The following HUNK variants were observed in gnomAD, a reference collection of about 807,000 sequenced individuals.
HUNK encodes the protein hormonally up-regulated Neu-associated kinase.
HUNK carries 21 observed loss-of-function variants against 61.0 expected under a neutral mutation model. That is an observed-to-expected ratio of 0.34 (90% CI 0.24 to 0.50). The LOEUF (loss-of-function observed/expected upper bound fraction) is 0.50. HUNK is among the 20% of genes least tolerant of loss of function. The pLI is 0.98. For synonymous variants in HUNK, 371 were observed against 386.1 expected, an observed-to-expected ratio of 0.96 and a Z score of 0.46; for missense variants, 772 against 945.7, an observed-to-expected ratio of 0.82 and a Z score of 2.41.
chr21:31,974,511 G>C (rs201678062), intron 6 of HUNK, 44 bp from the exon 7 acceptor site: 2 of 1,564,680 alleles, frequency 1.3e-6, no homozygotes, highest in South Asian at 1.2e-5. Context: ...GGGGCTCTCC[G>C]TGAAGTGCAG....
At chr21:31,911,082 C>T (rs1568923060) in intron 1 of HUNK, among the ~76,000 whole-genome samples, 2 of 152,156 alleles carry the variant, frequency 1.3e-5, no homozygotes, top group East Asian at 3.8e-4. Context: ...ACGACTTAGC[C>T]CATAACAGAT....
chr21:31,892,148 T>TA (rs748197431), intron 1 of HUNK, among the ~76,000 whole-genome samples: 8,669 of 90,686 alleles, frequency 0.096, 248 homozygotes, highest in Non-Finnish European at 0.12. Context: ...AGAATTTGGT[T>TA]AAAAAAAAAA....
Position 32,003,037 on chromosome 21 carries a change from A to AC in HUNK, c.*3857dup, listed in dbSNP as rs1408173458. 2 of 152,180 alleles carry AC rather than the reference A, an allele frequency of 1.3e-5. No individual in the cohort carries two copies. Among genetic ancestry groups the AC allele is most frequent in the Non-Finnish European group, 2.9e-5 (2 of 68,048 alleles). 9.4% of individuals were successfully genotyped at this position (152,180 alleles called of 1,614,324 possible). On this transcript the variant is annotated 3_prime_UTR_variant, in exon 11 of 11. Coordinates refer to ENST00000270112, the MANE Select transcript of HUNK (RefSeq NM_014586.2). Reference sequence around the variant, plus strand: ...CTAGGGACCCAGATGGTTTAAGGACACCCCAGAGTCCCCAGATGAGCTGGC... The same window carrying AC: ...CTAGGGACCCAGATGGTTTAAGGACACCCCCAGAGTCCCCAGATGAGCTGGC...
chr21:31,918,790 T>C (rs1429451834), intron 1 of HUNK, among the ~76,000 whole-genome samples: 1 of 152,252 alleles, frequency 6.6e-6, no homozygotes, highest in Non-Finnish European at 1.5e-5. Flanking sequence ...AACTTCATCA[T>C]GTCTGCAGAG....
rs1317070331 is a variant in HUNK, at chr21:32,001,794, C to T, written c.*2610C>T. ...GTAAGTCCGAAGCATGTTGTCTGTTCGACCGTGACTGTCTTCCTCAGTCTG... is the reference window on the plus strand; with the variant it reads ...GTAAGTCCGAAGCATGTTGTCTGTTTGACCGTGACTGTCTTCCTCAGTCTG... On this transcript the variant is annotated 3_prime_UTR_variant, in exon 11 of 11. Coordinates refer to ENST00000270112, the MANE Select transcript of HUNK (RefSeq NM_014586.2). 1 of 152,536 alleles carries T rather than the reference C, an allele frequency of 6.6e-6. No individual in the cohort carries two copies. The highest frequency in any genetic ancestry group is 2.4e-5 in the African/African-American group (1 of 41,402). 9.4% of individuals were successfully genotyped at this position (152,536 alleles called of 1,614,324 possible).
At chr21:31,905,750 A>G (rs917774857) in intron 1 of HUNK, among the ~76,000 whole-genome samples, 65 of 152,246 alleles carry the variant, frequency 4.3e-4, no homozygotes, top group African/African-American at 1.4e-3. Context: ...ATCAGGGCAG[A>G]GTGGAAAAAA....
At chr21:31,967,725 G>T (rs1459155412) in intron 5 of HUNK, among the ~76,000 whole-genome samples, 1 of 152,150 alleles carries the variant, frequency 6.6e-6, no homozygotes, top group Non-Finnish European at 1.5e-5. Flanking sequence ...GTCCTGTGGT[G>T]CCCAGTTGAG....
intron 4 of HUNK, among the ~76,000 whole-genome samples, chr21:31,949,924 A>G (rs1483908752): frequency 1.3e-5 from 2 of 152,002 alleles, no homozygotes; most frequent in African/African-American, 2.4e-5. Context: ...CTGCCTAACA[A>G]CCCTTCAAGG....
At chr21:31,972,193 G>A (rs1234196566) in intron 6 of HUNK, among the ~76,000 whole-genome samples, 1 of 152,056 alleles carries the variant, frequency 6.6e-6, no homozygotes, top group African/African-American at 2.4e-5. Context: ...AGTTAGCTTT[G>A]GAACTGGTGG....
At chr21:31,892,226 G>A (rs1254941129) in intron 1 of HUNK, among the ~76,000 whole-genome samples, 1 of 149,094 alleles carries the variant, frequency 6.7e-6, no homozygotes, top group Admixed American at 6.7e-5. Flanking sequence ...GTGTGTGTGT[G>A]TGTGTACAGC....
At chr21:31,882,633 C>T (rs1362985037) in intron 1 of HUNK, among the ~76,000 whole-genome samples, 3 of 152,158 alleles carry the variant, frequency 2.0e-5, no homozygotes, top group Non-Finnish European at 4.4e-5. Context: ...TCGGCGTGTC[C>T]ATCACCTAAG....
intron 4 of HUNK, among the ~76,000 whole-genome samples, chr21:31,951,507 T>A (rs1037041518): frequency 1.3e-5 from 2 of 152,172 alleles, no homozygotes; most frequent in Non-Finnish European, 2.9e-5. Context: ...TGCAACGTTG[T>A]TGGACTAAAG....
At chr21:31,937,988 G>A (rs1163879505) in intron 2 of HUNK, among the ~76,000 whole-genome samples, 2 of 152,218 alleles carry the variant, frequency 1.3e-5, no homozygotes, top group Non-Finnish European at 2.9e-5. Flanking sequence ...GGGCACATTG[G>A]ATTGGGGAAT....
intron 4 of HUNK, among the ~76,000 whole-genome samples, chr21:31,949,065 C>T (rs2052830422): frequency 6.6e-6 from 1 of 152,178 alleles, no homozygotes; most frequent in Admixed American, 6.5e-5. Context: ...CCAGTTTGCA[C>T]GGATAGAAGA....
rs553979333 is a variant in HUNK at position 31,967,574 on chromosome 21, A to G, written c.875-676A>G. 2.2e-4 allele frequency among the ~76,000 whole-genome samples: 34 copies of G among 152,016 alleles called. No homozygotes were observed. The East Asian group carries it at 5.9e-3, about 26-fold the overall frequency. ...GGAAACCCAGGGCATTTAAAACATT[A>G]TTTTTGGCCAGGCGTGGTGGCTCAG... On this transcript the variant is annotated intron_variant, in intron 5 of 10. Transcript: ENST00000270112.
At chr21:31,996,230 A>G (rs1310132149) in intron 10 of HUNK, among the ~76,000 whole-genome samples, 2 of 152,174 alleles carry the variant, frequency 1.3e-5, no homozygotes, top group African/African-American at 4.8e-5. Flanking sequence ...AGAGGTTGGG[A>G]GGCACAGTAT....
At chr21:31,881,753 G>A (rs1198488211) in intron 1 of HUNK, among the ~76,000 whole-genome samples, 2 of 152,160 alleles carry the variant, frequency 1.3e-5, no homozygotes, top group East Asian at 1.9e-4. Flanking sequence ...CCATGAACCA[G>A]CTTCTCTTCA....
chr21:31,936,728 TA>T (rs780404598), intron 2 of HUNK, among the ~76,000 whole-genome samples: 6 of 152,128 alleles, frequency 3.9e-5, no homozygotes, highest in Admixed American at 1.3e-4. Flanking sequence ...GAAAAGCGGA[TA>T]TTTTTTTTTC....
At chr21:31,966,940 A>C (rs1482510519) in intron 5 of HUNK, among the ~76,000 whole-genome samples, 2 of 152,234 alleles carry the variant, frequency 1.3e-5, no homozygotes, top group Non-Finnish European at 2.9e-5. Flanking sequence ...AAAAGATCAC[A>C]GTCCCACAAC....
Sources: gnomAD v4.1 joint callset for allele counts (sites outside exome capture counted in the v4.1 genomes callset) on GRCh38, gnomAD v4.1.1 for gene constraint, MANE v1.5 for transcripts, NCBI Gene and HGNC (gene_info 2026-07-23, HGNC 2026-07-21) for gene names.